MAP7: variants seen among roughly 807,000 people sequenced by gnomAD.
MAP7 encodes ensconsin.
Under a neutral mutation model 94.8 loss-of-function variants are expected in MAP7, and 52 were observed. That is an observed-to-expected ratio of 0.55 (90% confidence interval 0.44 to 0.69). The LOEUF (loss-of-function observed/expected upper bound fraction) is 0.69, where lower values mean the gene tolerates loss of function less well. Among genes scored for constraint, MAP7 ranks in the 30% least tolerant of loss-of-function variants. The probability of loss-of-function intolerance (pLI) is 0.00; values close to 1 mark genes in which losing one functional copy is unlikely to be tolerated. For synonymous variants in MAP7, 350 were observed against 357.0 expected, an observed-to-expected ratio of 0.98 and a Z score of 0.22; for missense variants, 940 against 964.6, an observed-to-expected ratio of 0.97 and a Z score of 0.34.
At chr6:136,520,478 C>G (rs1826075961) in intron 1 of MAP7, among the ~76,000 whole-genome samples, 1 of 152,112 alleles carries the variant, frequency 6.6e-6, no homozygotes, top group Non-Finnish European at 1.5e-5. Flanking sequence ...TCCATTTACT[C>G]TGAAAAGTAC....
chr6:136,346,341 C>T (rs941464585), intron 16 of MAP7, among the ~76,000 whole-genome samples: 3 of 152,104 alleles, frequency 2.0e-5, no homozygotes, highest in African/African-American at 7.2e-5. Flanking sequence ...GATGGGAGGA[C>T]TGCTCAAGGC....
chr6:136,549,536 G>A (rs1004704955), intron 1 of MAP7, among the ~76,000 whole-genome samples: 2 of 152,176 alleles, frequency 1.3e-5, no homozygotes, highest in Non-Finnish European at 2.9e-5. Context: ...CTGGTCTTGG[G>A]GACGTGATCC....
intron 1 of MAP7, among the ~76,000 whole-genome samples, chr6:136,478,519 GT>G (rs1811669462): frequency 6.6e-6 from 1 of 151,868 alleles, no homozygotes. Context: ...TGAAGCACTG[GT>G]TTTTTGAAAA....
At chr6:136,382,152 T>G (rs975095072) in intron 6 of MAP7, among the ~76,000 whole-genome samples, 11 of 152,042 alleles carry the variant, frequency 7.2e-5, no homozygotes, top group African/African-American at 2.7e-4. Context: ...TTCTACTGCC[T>G]TAAGAAGGTC....
chr6:136,464,477 T>C (rs906601788), intron 1 of MAP7, among the ~76,000 whole-genome samples: 1 of 152,208 alleles, frequency 6.6e-6, no homozygotes, highest in Non-Finnish European at 1.5e-5. Context: ...TTGTTGTTAA[T>C]CTCTTACTGT....
At position 136,361,088 on chromosome 6, in the gene MAP7, G is replaced by A. The variant is rs148141271; in HGVS notation, c.1618C>T (p.Arg540Trp). 2.5e-6 allele frequency: 4 copies of A among 1,604,166 alleles called. No homozygotes were observed. The highest frequency in any genetic ancestry group is 1.7e-5 in the Admixed American group (1 of 59,838). The stretch of plus-strand genomic sequence containing the variant: ...CGCTGCAGCTGCTCCTCCTTCTCCC[G>A]GGCCTGCTCGGCTTCCAGCCTGCGC... ...ESRRLEAEQA[R>W]EKEEQLQRQA... is the part of the protein sequence containing the mutation. The change falls in exon 12 of 18, where the codon CGG becomes TGG. Residue 540 changes from arginine to tryptophan, a missense_variant. Physicochemically the swap from Arg to Trp is moderately radical, Grantham distance 101. Coordinates refer to ENST00000354570, the MANE Select transcript of MAP7 (RefSeq NM_003980.6).
intron 3 of MAP7, among the ~76,000 whole-genome samples, chr6:136,392,929 C>A (rs1034353892): frequency 6.6e-6 from 1 of 151,980 alleles, no homozygotes; most frequent in African/African-American, 2.4e-5. Flanking sequence ...TATAAGAGAT[C>A]CAGAAGCCAA....
intron 1 of MAP7, among the ~76,000 whole-genome samples, chr6:136,426,403 T>C (rs1197662509): frequency 6.6e-6 from 1 of 152,236 alleles, no homozygotes; most frequent in African/African-American, 2.4e-5. Flanking sequence ...TCAAGATGCT[T>C]ATCATCCTTT....
intron 1 of MAP7, among the ~76,000 whole-genome samples, chr6:136,425,734 T>C (rs1190109176): frequency 6.6e-6 from 1 of 152,202 alleles, no homozygotes; most frequent in East Asian, 1.9e-4. Flanking sequence ...ATGACATTCC[T>C]GATTATTCCA....
At chr6:136,380,089 C>T (rs1777323233) in intron 6 of MAP7, among the ~76,000 whole-genome samples, 2 of 152,112 alleles carry the variant, frequency 1.3e-5, no homozygotes, top group Admixed American at 6.6e-5. Flanking sequence ...GATATTAACT[C>T]TCATGGAACA....
Position 136,530,809 on chromosome 6 carries a change from A to G in MAP7, c.67+19533T>C, listed in dbSNP as rs1019611992. ...ATTTGACCACTTTTTGTTAACAGGC[A>G]TATAAGAAAAACAGTAAATACTGCC... On this transcript the variant is annotated intron_variant, in intron 1 of 17. Coordinates refer to ENST00000354570, the MANE Select transcript of MAP7 (RefSeq NM_003980.6). Among the ~76,000 whole-genome samples, 2 of 145,308 alleles carry G rather than the reference A, an allele frequency of 1.4e-5. 1 individual carries two copies. The highest frequency in any genetic ancestry group is 5.7e-5 in the African/African-American group (2 of 35,246).
chr6:136,381,203 C>T (rs947998702), intron 6 of MAP7, among the ~76,000 whole-genome samples: 9 of 152,040 alleles, frequency 5.9e-5, no homozygotes, highest in African/African-American at 9.7e-5. Context: ...TTTTGAGATA[C>T]GATCTCACTC....
chr6:136,504,792 T>C (rs553814591), intron 1 of MAP7, among the ~76,000 whole-genome samples: 55 of 152,324 alleles, frequency 3.6e-4, no homozygotes, highest in Non-Finnish European at 6.9e-4. Context: ...GCGATTCTTG[T>C]GCCCAGCCTC....
At position 136,420,816 on chromosome 6, in the gene MAP7, G is replaced by GA. The variant is rs71006799; in HGVS notation, c.166+884dup. On this transcript the variant is annotated intron_variant, in intron 2 of 17. Coordinates refer to ENST00000354570, the MANE Select transcript of MAP7 (RefSeq NM_003980.6). ...GTTGTGTTCAAGACCTTTTCCACATGAAAAAAAAAAAATTCACAAAACTAA... is the reference window on the plus strand; with the variant it reads ...GTTGTGTTCAAGACCTTTTCCACATGAAAAAAAAAAAAATTCACAAAACTAA... Among the ~76,000 whole-genome samples, 271 of 151,134 alleles carry GA rather than the reference G, an allele frequency of 1.8e-3. 1 individual carries two copies. Among genetic ancestry groups the GA allele is most frequent in the African/African-American group, 5.8e-3 (240 of 41,238 alleles).
intron 1 of MAP7, among the ~76,000 whole-genome samples, chr6:136,495,589 G>A (rs530328773): frequency 1.6e-4 from 24 of 152,210 alleles, no homozygotes; most frequent in African/African-American, 5.1e-4. Flanking sequence ...TCAGATTTTG[G>A]AGCATTTTGG....
intron 6 of MAP7, 64 bp downstream of exon 6, chr6:136,383,607 A>G (rs1778372555): frequency 1.1e-6 from 1 of 884,164 alleles, no homozygotes; most frequent in East Asian, 2.9e-5. Context: ...TTTATCTGTA[A>G]ACATCCAGAA....
intron 1 of MAP7, among the ~76,000 whole-genome samples, chr6:136,430,079 T>C (rs893472395): frequency 2.6e-5 from 4 of 152,252 alleles, no homozygotes; most frequent in African/African-American, 9.6e-5. Flanking sequence ...TCAGAGACTG[T>C]AGTTATCCAT....
At chr6:136,396,580 T>G (rs1782564522) in intron 3 of MAP7, among the ~76,000 whole-genome samples, 1 of 152,116 alleles carries the variant, frequency 6.6e-6, no homozygotes, top group South Asian at 2.1e-4. Context: ...GCTAGAATCT[T>G]TTTGTGTGTG....
intron 3 of MAP7, among the ~76,000 whole-genome samples, chr6:136,406,559 G>A (rs976127622): frequency 2.2e-4 from 33 of 152,152 alleles, no homozygotes; most frequent in African/African-American, 7.5e-4. Flanking sequence ...GGTGGCTCAC[G>A]TCTGTAACCC....
Sources: allele counts gnomAD v4.1 joint callset (sites outside exome capture counted in the v4.1 genomes callset), GRCh38; gene constraint gnomAD v4.1.1; transcripts MANE v1.5; gene names NCBI Gene and HGNC (gene_info 2026-07-23, HGNC 2026-07-21).